The following RAMP3 variants were observed in gnomAD, a reference collection of about 807,000 sequenced individuals.
RAMP3 encodes receptor activity-modifying protein 3.
In RAMP3, 14 loss-of-function variants were observed where a neutral mutation model predicts 13.5. The ratio of observed to expected loss-of-function variants is 1.04; its 90% CI spans 0.69 to 1.63. RAMP3 has a LOEUF of 1.63. Among genes scored for constraint, RAMP3 ranks in the 40% most tolerant of loss-of-function variants. The pLI, the probability that RAMP3 is intolerant of heterozygous loss-of-function variation, is 0.00. For missense variants in RAMP3, 200 were observed against 204.8 expected, an observed-to-expected ratio of 0.98 and a Z score of 0.14; for synonymous variants, 106 against 88.3, an observed-to-expected ratio of 1.20 and a Z score of -1.12.
intron 1 of RAMP3, among the ~76,000 whole-genome samples, chr7:45,172,738 C>T (rs1195188196): frequency 6.6e-6 from 1 of 152,134 alleles, no homozygotes; most frequent in East Asian, 1.9e-4. Flanking sequence ...GCTTGTTTTC[C>T]TTGGGAAGTT....
chr7:45,179,785 C>A (rs1050395090), intron 2 of RAMP3, among the ~76,000 whole-genome samples: 1 of 152,262 alleles, frequency 6.6e-6, no homozygotes, highest in Admixed American at 6.5e-5. Context: ...GAGGGCTTGC[C>A]CGGTACTAGC....
At chr7:45,169,687 A>G (rs750422096) in intron 1 of RAMP3, among the ~76,000 whole-genome samples, 6 of 151,954 alleles carry the variant, frequency 3.9e-5, no homozygotes, top group Non-Finnish European at 8.8e-5. Context: ...CCATCTTCAC[A>G]CTGTTGTCTT....
At chr7:45,177,176 C>G in intron 1 of RAMP3, 133 bp from the exon 2 acceptor site, 4 of 1,191,266 alleles carry the variant, frequency 3.4e-6, no homozygotes, top group Non-Finnish European at 4.7e-6. Context: ...GTGAAGGACT[C>G]CGCTGGAACG....
chr7:45,172,483 TTTC>T (rs1210952416), intron 1 of RAMP3, among the ~76,000 whole-genome samples: 2 of 152,312 alleles, frequency 1.3e-5, no homozygotes, highest in African/African-American at 4.8e-5. Context: ...TTGAGTTTCT[TTTC>T]TTTTCTTTCA....
chr7:45,158,230 G>T (rs1425669589), intron 1 of RAMP3, among the ~76,000 whole-genome samples: 1 of 152,204 alleles, frequency 6.6e-6, no homozygotes, highest in Non-Finnish European at 1.5e-5. Flanking sequence ...ACCAGGTCTG[G>T]CTCTTTACCC....
At chr7:45,178,593 G>A (rs1786240267) in intron 2 of RAMP3, among the ~76,000 whole-genome samples, 1 of 152,210 alleles carries the variant, frequency 6.6e-6, no homozygotes, top group South Asian at 2.1e-4. Context: ...CAAGTGGAAT[G>A]GAATTCTGAG....
intron 2 of RAMP3, among the ~76,000 whole-genome samples, chr7:45,181,734 C>T (rs1353546423): frequency 6.6e-6 from 1 of 152,142 alleles, no homozygotes. Context: ...AGGGTTTGTC[C>T]ATGGACCTAG....
chr7:45,183,656 GGCCAGA>G lies in RAMP3; in HGVS notation c.*247_*252del. 1 of 609,482 alleles carries G rather than the reference GGCCAGA, an allele frequency of 1.6e-6. No individual in the cohort carries two copies. The highest frequency in any genetic ancestry group is 2.9e-5 in the Admixed American group (1 of 34,004). 37.8% of individuals were successfully genotyped at this position (609,482 alleles called of 1,614,324 possible). On this transcript the variant is annotated 3_prime_UTR_variant, in exon 3 of 3. Coordinates refer to ENST00000242249, the MANE Select transcript of RAMP3 (RefSeq NM_005856.3). Reference sequence around the variant, plus strand: ...GGGCCAGTGGAGGAAAATGTGATAAGGCCAGAGCTTGTGTGCTGGGCACAGAAATCA... The same window carrying G: ...GGGCCAGTGGAGGAAAATGTGATAAGGCTTGTGTGCTGGGCACAGAAATCA...
At chr7:45,157,999 C>A (rs1785792594) in intron 1 of RAMP3, 113 bp downstream of exon 1, 3 of 1,057,730 alleles carry the variant, frequency 2.8e-6, no homozygotes, top group Non-Finnish European at 3.7e-6. Context: ...TGCCCCGGAG[C>A]TCGGGAGGGG....
At chr7:45,172,014 C>T (rs983804504) in intron 1 of RAMP3, among the ~76,000 whole-genome samples, 1 of 152,240 alleles carries the variant, frequency 6.6e-6, no homozygotes, top group African/African-American at 2.4e-5. Flanking sequence ...TGGCTTGCTC[C>T]TCCCATTGTG....
intron 1 of RAMP3, among the ~76,000 whole-genome samples, chr7:45,175,993 G>T (rs531303095): frequency 3.9e-5 from 6 of 152,298 alleles, no homozygotes; most frequent in African/African-American, 1.4e-4. Context: ...TGCCCAGGGT[G>T]AGCCACACAT....
chr7:45,164,973 A>G (rs942735583), intron 1 of RAMP3, among the ~76,000 whole-genome samples: 2 of 152,354 alleles, frequency 1.3e-5, no homozygotes, highest in East Asian at 3.9e-4. Context: ...TGATATGGTT[A>G]GATTTAAATC....
intron 1 of RAMP3, among the ~76,000 whole-genome samples, chr7:45,176,387 TACACAC>T (rs57539624): frequency 0.023 from 3,337 of 147,718 alleles, 115 homozygotes; most frequent in African/African-American, 0.078. Context: ...GCTGTGTACC[TACACAC>T]ACACACACAC....
At chr7:45,176,387 T>TAC (rs57539624) in intron 1 of RAMP3, among the ~76,000 whole-genome samples, 28,354 of 147,568 alleles carry the variant, frequency 0.19, 3,052 homozygotes, top group African/African-American at 0.29. Flanking sequence ...GCTGTGTACC[T>TAC]ACACACACAC....
chr7:45,163,846 G>C (rs376594502), intron 1 of RAMP3: 1 of 985,288 alleles, frequency 1.0e-6, no homozygotes, highest in Non-Finnish European at 1.2e-6. Flanking sequence ...AAGGACACGG[G>C]CCTCCATTCC....
chr7:45,166,725 C>T (rs1785969458), intron 1 of RAMP3, among the ~76,000 whole-genome samples: 1 of 151,978 alleles, frequency 6.6e-6, no homozygotes, highest in Admixed American at 6.6e-5. Flanking sequence ...TATAAGAAGG[C>T]TTTTTCTCAC....
chr7:45,183,945 G>A lies in RAMP3; in HGVS notation c.*533G>A, dbSNP rs15995. ...TGTGACCTCCGAGCCCTCCTGGTGG[G>A]AAGACAGCTGGAAAGGCTGGGAGGA... On this transcript the variant is annotated 3_prime_UTR_variant, in exon 3 of 3. Coordinates refer to ENST00000242249, the MANE Select transcript of RAMP3 (RefSeq NM_005856.3). 95,788 of 415,038 alleles carry A rather than the reference G, an allele frequency of 0.23. 11,839 individuals are homozygous for A. The highest frequency in any genetic ancestry group is 0.32 in the African/African-American group (15,534 of 49,166). 25.7% of individuals were successfully genotyped at this position (415,038 alleles called of 1,614,324 possible). A position where few individuals can be genotyped will look rare whatever the true frequency, so the allele number is the denominator to read the frequency against.
In RAMP3 at chr7:45,179,184, C is replaced by T. The variant is rs1465881649; in HGVS notation, c.191+1743C>T. ...AGCGGCTGATACGCATTATCTTTTG[C>T]CACTGGGTCCAGGAGGGTGGTCTAG... On this transcript the variant is annotated intron_variant, in intron 2 of 2. Transcript: ENST00000242249. Among the ~76,000 whole-genome samples the T allele has an allele frequency of 2.6e-5, 4 of 152,126 alleles. No homozygotes were observed. In the East Asian group the frequency reaches 5.8e-4, roughly 22 times the overall value.
chr7:45,176,595 CAG>C (rs1786192182), intron 1 of RAMP3, among the ~76,000 whole-genome samples: 1 of 152,036 alleles, frequency 6.6e-6, no homozygotes, highest in African/African-American at 2.4e-5. Context: ...CCCTGAAGGA[CAG>C]GGGGCATTGC....
Sources: gnomAD v4.1 joint callset for allele counts (sites outside exome capture counted in the v4.1 genomes callset) on GRCh38, gnomAD v4.1.1 for gene constraint, MANE v1.5 for transcripts, NCBI Gene and HGNC (gene_info 2026-07-23, HGNC 2026-07-21) for gene names.